GRIK3: variants seen among roughly 807,000 people sequenced by gnomAD.
GRIK3 encodes the protein glutamate receptor ionotropic, kainate 3.
A neutral mutation model predicts 102.5 loss-of-function variants in GRIK3; 29 were observed. The ratio of observed to expected loss-of-function variants is 0.28; its 90% CI spans 0.21 to 0.39. The LOEUF (loss-of-function observed/expected upper bound fraction) is 0.39, where lower values mean the gene tolerates loss of function less well. Ranked by LOEUF, GRIK3 falls within the 10% of genes least tolerant of loss-of-function variation. The pLI, the probability that GRIK3 is intolerant of heterozygous loss-of-function variation, is 1.00. For missense variants in GRIK3, 908 were observed against 1,252.4 expected (o/e 0.73, Z 4.15); for synonymous variants, 511 against 504.9 (o/e 1.01, Z -0.16).
chr1:37,033,436 T>C (rs1045681392), intron 1 of GRIK3, among the ~76,000 whole-genome samples: 4 of 152,050 alleles, frequency 2.6e-5, no homozygotes, highest in African/African-American at 7.2e-5. Flanking sequence ...CCCCGCCCCA[T>C]GGCACGGGGC....
At chr1:36,928,467 G>C (rs1247246168) in intron 1 of GRIK3, among the ~76,000 whole-genome samples, 3 of 152,202 alleles carry the variant, frequency 2.0e-5, no homozygotes, top group Admixed American at 2.0e-4. Context: ...GTTTGGGGTG[G>C]GGGTGGAAAT....
chr1:36,833,016 G>T (rs188681227), intron 10 of GRIK3, among the ~76,000 whole-genome samples: 25 of 152,318 alleles, frequency 1.6e-4, no homozygotes, highest in Admixed American at 1.3e-4. Flanking sequence ...GGGACGCCCA[G>T]CTCCTCTGCC....
chr1:36,906,188 C>T (rs901536555), intron 1 of GRIK3, among the ~76,000 whole-genome samples: 6 of 152,222 alleles, frequency 3.9e-5, no homozygotes, highest in Admixed American at 1.3e-4. Flanking sequence ...CCGAGAAGAA[C>T]AGACAACTAG....
intron 14 of GRIK3, among the ~76,000 whole-genome samples, chr1:36,805,764 C>A (rs1642491645): frequency 6.6e-6 from 1 of 151,576 alleles, no homozygotes. Context: ...TGGAGAAACC[C>A]CGTCTCTACT....
chr1:37,010,561 T>C (rs1642583086), intron 1 of GRIK3, among the ~76,000 whole-genome samples: 1 of 152,068 alleles, frequency 6.6e-6, no homozygotes, highest in Non-Finnish European at 1.5e-5. Flanking sequence ...TATTCATAAT[T>C]ACACAAGGCA....
chr1:36,948,019 C>T (rs763135515), intron 1 of GRIK3, among the ~76,000 whole-genome samples: 2 of 152,230 alleles, frequency 1.3e-5, no homozygotes, highest in African/African-American at 2.4e-5. Context: ...CTCCTTACCC[C>T]TGCCTCAGTC....
chr1:37,020,928 C>T (rs1557466234), intron 1 of GRIK3, among the ~76,000 whole-genome samples: 1 of 152,196 alleles, frequency 6.6e-6, no homozygotes, highest in Non-Finnish European at 1.5e-5. Context: ...TGCTGAACCA[C>T]ACGGTGCATC....
intron 13 of GRIK3, among the ~76,000 whole-genome samples, chr1:36,810,210 AGAGTTCCCATCACAGGCCT>A (rs1642546953): frequency 6.6e-6 from 1 of 152,118 alleles, no homozygotes; most frequent in Admixed American, 6.5e-5. Flanking sequence ...CATCTCTGGG[AGAGTTCCCATCACAGGCCT>A]GAGTTCCCAT....
At chr1:36,926,788 C>T (rs545284493) in intron 1 of GRIK3, among the ~76,000 whole-genome samples, 2 of 152,286 alleles carry the variant, frequency 1.3e-5, no homozygotes, top group East Asian at 1.9e-4. Context: ...TCTTAGGCAA[C>T]CCACGTTCTT....
At chr1:36,988,465 G>GGC (rs1210289710) in intron 1 of GRIK3, among the ~76,000 whole-genome samples, 2 of 152,368 alleles carry the variant, frequency 1.3e-5, no homozygotes, top group African/African-American at 4.8e-5. Context: ...AGCCCGCCCA[G>GGC]AGGCCCTGCT....
intron 2 of GRIK3, among the ~76,000 whole-genome samples, chr1:36,889,515 G>T (rs1320758700): frequency 2.0e-5 from 3 of 152,094 alleles, no homozygotes; most frequent in Admixed American, 2.0e-4. Context: ...ATTTAAGAAA[G>T]CAAGTCATGT....
chr1:37,002,332 C>T (rs1324076929), intron 1 of GRIK3, among the ~76,000 whole-genome samples: 1 of 152,168 alleles, frequency 6.6e-6, no homozygotes. Context: ...GAGTTTCCTC[C>T]AACCCAACAA....
In GRIK3 at chr1:36,797,236, A is replaced by G. The variant is rs763996366; in HGVS notation, c.*4615T>C. On this transcript the variant is annotated 3_prime_UTR_variant, in exon 16 of 16. Coordinates refer to ENST00000373091, the MANE Select transcript of GRIK3 (RefSeq NM_000831.4). Reference sequence around the variant, plus strand: ...CTGTACACTCCGTGTGCAGACGTGCAGGAAAGGGTTGTATACACATGGGCT... The same window carrying G: ...CTGTACACTCCGTGTGCAGACGTGCGGGAAAGGGTTGTATACACATGGGCT... 6.6e-6 allele frequency: 1 copy of G among 152,068 alleles called. No homozygotes were observed. Among genetic ancestry groups the G allele is most frequent in the Non-Finnish European group, 1.5e-5 (1 of 68,038 alleles). The allele number at this position is 152,068 out of a possible 1,614,324, so 9.4% of individuals were successfully genotyped here.
intron 9 of GRIK3, among the ~76,000 whole-genome samples, chr1:36,848,245 T>C (rs1446913500): frequency 6.6e-6 from 1 of 152,240 alleles, no homozygotes; most frequent in Non-Finnish European, 1.5e-5. Flanking sequence ...TGTATCCTTT[T>C]GGTATATTAC....
chr1:36,867,605 G>A lies in GRIK3; in HGVS notation c.786+2143C>T, dbSNP rs370589968. 1.4e-3 allele frequency among the ~76,000 whole-genome samples: 209 copies of A among 152,210 alleles called. 1 individual carries two copies. Among genetic ancestry groups the A allele is most frequent in the African/African-American group, 4.7e-3 (196 of 41,530 alleles). ...CTCTAAGGTCCTGGGCACTGAGCTA[G>A]GCACTTGGGTGGGAGGGGTGTACAG... is the stretch of plus-strand genomic sequence containing the variant. On this transcript the variant is annotated intron_variant, in intron 5 of 15. Coordinates refer to ENST00000373091, the MANE Select transcript of GRIK3 (RefSeq NM_000831.4).
chr1:36,806,133 G>A lies in GRIK3; in HGVS notation c.2285C>T (p.Ser762Phe). ...GGGCGTGCCGATGCCGTAGCCCTTG[G>A]AGTCAATGAGGCCCCCGATCTGGGT... The part of the protein sequence containing the change: ...NLTQIGGLID[S>F]KGYGIGTPMG... The change falls in exon 14 of 16, where the codon TCC (serine) becomes TTC (phenylalanine). Residue 762 changes from serine to phenylalanine, a missense_variant. By Grantham distance (155) the Ser-to-Phe change is radical. Coordinates refer to ENST00000373091, the MANE Select transcript of GRIK3 (RefSeq NM_000831.4). The surrounding 1 kb of genome is among the most constrained non-coding windows in gnomAD (Gnocchi z 4.0). 1 of 1,614,060 alleles carries A rather than the reference G, an allele frequency of 6.2e-7. No homozygotes were observed. The highest frequency in any genetic ancestry group is 1.1e-5 in the South Asian group (1 of 91,068).
chr1:36,816,617 T>A (rs1289202598), intron 13 of GRIK3, among the ~76,000 whole-genome samples: 2 of 152,168 alleles, frequency 1.3e-5, no homozygotes, highest in Non-Finnish European at 2.9e-5. Flanking sequence ...CTAAGCCTCC[T>A]CCCTTCCTCT....
chr1:36,938,781 G>A (rs1405735088), intron 1 of GRIK3, among the ~76,000 whole-genome samples: 1 of 152,218 alleles, frequency 6.6e-6, no homozygotes, highest in Non-Finnish European at 1.5e-5. Flanking sequence ...GGGGTTGACA[G>A]CTGACCCAAG....
At chr1:36,958,157 G>A (rs1282311425) in intron 1 of GRIK3, among the ~76,000 whole-genome samples, 2 of 124,860 alleles carry the variant, frequency 1.6e-5, no homozygotes, top group African/African-American at 6.2e-5. Flanking sequence ...TCTGTGCCCT[G>A]AGTCTGTGTG....
Sources: allele counts gnomAD v4.1 joint callset (sites outside exome capture counted in the v4.1 genomes callset), GRCh38; gene constraint gnomAD v4.1.1; non-coding constraint Gnocchi (gnomAD v3.1); transcripts MANE v1.5; gene names NCBI Gene and HGNC (gene_info 2026-07-23, HGNC 2026-07-21).